CNNM3: variants seen among roughly 807,000 people sequenced by gnomAD.
CNNM3 encodes the protein metal transporter CNNM3.
CNNM3 carries 47 observed loss-of-function variants against 57.1 expected under a neutral mutation model. That is an observed-to-expected ratio of 0.82 (90% CI 0.65 to 1.05). CNNM3 has a LOEUF of 1.05. Ranked by LOEUF, CNNM3 falls within the 50% of genes least tolerant of loss-of-function variation. CNNM3 has a pLI of 0.00. For synonymous variants in CNNM3, 507 were observed against 478.2 expected (o/e 1.06, Z -0.79); for missense variants, 957 against 973.7 (o/e 0.98, Z 0.23).
chr2:96,831,718 C>T (rs2079605133), intron 7 of CNNM3, among the ~76,000 whole-genome samples: 2 of 152,178 alleles, frequency 1.3e-5, no homozygotes, highest in Non-Finnish European at 1.5e-5. Context: ...GTCAGTTCTT[C>T]ATGGAACTGT....
rs1245796542 is a variant in CNNM3, at chr2:96,835,044, G to A, written c.*2428G>A. On this transcript the variant is annotated 3_prime_UTR_variant, in exon 8 of 8. Transcript: ENST00000305510. ...AATCATTTGTCACATGTACATCTGT[G>A]TAACTACCACTGCAATCAGGATAAA... Among the ~76,000 whole-genome samples the A allele has an allele frequency of 2.0e-5, 3 of 152,130 alleles. No homozygotes were observed. The highest frequency in any genetic ancestry group is 1.5e-5 in the Non-Finnish European group (1 of 68,030).
chr2:96,827,594 G>A, intron 3 of CNNM3, 137 bp from the exon 4 acceptor site: 1 of 768,282 alleles, frequency 1.3e-6, no homozygotes, highest in Non-Finnish European at 2.1e-6. Context: ...GTGTTGAGGT[G>A]TTAGGGGCAG....
In CNNM3 at chr2:96,832,920, C is replaced by CGGGGCAGGGACAGT; in HGVS notation, c.*306_*319dup. The stretch of plus-strand genomic sequence containing the variant: ...AGGGCCCAGCCTTCCCCTTCTCCCC[C>CGGGGCAGGGACAGT]GGGGCAGGGACAGTGCGGCATATTC... On this transcript the variant is annotated 3_prime_UTR_variant, in exon 8 of 8. Transcript: ENST00000305510. 1 of 1,433,028 alleles carries CGGGGCAGGGACAGT rather than the reference C, an allele frequency of 7.0e-7. No individual in the cohort carries two copies. The highest frequency in any genetic ancestry group is 3.2e-5 in the East Asian group (1 of 31,582). 88.8% of individuals were successfully genotyped at this position (1,433,028 alleles called of 1,614,324 possible). A position where few individuals can be genotyped will look rare whatever the true frequency, so the allele number is the denominator to read the frequency against.
At chr2:96,824,953 G>A in intron 1 of CNNM3, 105 bp from the exon 2 acceptor site, 1 of 1,294,392 alleles carries the variant, frequency 7.7e-7, no homozygotes, top group Non-Finnish European at 1.1e-6. Flanking sequence ...CACGTTGTAG[G>A]AGCATGAACG....
rs771750345 is a variant in CNNM3 at position 96,816,939 on chromosome 2, C to T, written c.662C>T (p.Ala221Val). Reference protein sequence around the residue: ...VLLYRAAGQRAVPAVLGSAGL... With the variant: ...VLLYRAAGQRVVPAVLGSAGL... ...CTGTACCGCGCGGCCGGCCAGCGTG[C>T]GGTGCCCGCCGTGTTGGGCAGCGCG... is the stretch of plus-strand genomic sequence containing the variant. Residue 221 changes from alanine (A) to valine (V), a missense_variant, in exon 1 of 8, where the codon GCG (alanine) becomes GTG (valine). Ala to Val is a moderately conservative substitution (Grantham distance 64, BLOSUM62 0). Around this residue, in one of 2 missense-constraint regions of CNNM3, gnomAD observed 466 missense variants for 403.1 expected, o/e 1.16. Transcript: ENST00000305510. 2.4e-6 allele frequency: 3 copies of T among 1,232,606 alleles called. No individual in the cohort carries two copies. Among genetic ancestry groups the T allele is most frequent in the Non-Finnish European group, 3.0e-6 (3 of 985,706 alleles). 76.4% of individuals were successfully genotyped at this position (1,232,606 alleles called of 1,614,324 possible).
chr2:96,817,283 G>A lies in CNNM3; in HGVS notation c.1006G>A (p.Gly336Ser). Reference protein sequence around the residue: ...MLDASTVLDFGVLASIMQSGH... With the variant: ...MLDASTVLDFSVLASIMQSGH... ...GGACGCCAGCACCGTGCTGGACTTCGGCGTCCTGGCCAGCATCATGCAGAG... is the reference window on the plus strand; with the variant it reads ...GGACGCCAGCACCGTGCTGGACTTCAGCGTCCTGGCCAGCATCATGCAGAG... The change falls in exon 1 of 8, where the codon GGC (glycine) becomes AGC (serine). Residue 336 changes from glycine (G) to serine (S), a missense_variant. This residue lies in a region of CNNM3 where 491 missense variants were observed against 570.6 expected (regional missense o/e 0.86). Transcript: ENST00000305510. 1.9e-6 allele frequency: 3 copies of A among 1,613,192 alleles called. No homozygotes were observed. In the South Asian group the frequency reaches 3.3e-5, roughly 18 times the overall value.
intron 3 of CNNM3, among the ~76,000 whole-genome samples, chr2:96,827,398 G>T (rs1245829230): frequency 2.0e-5 from 3 of 152,074 alleles, no homozygotes; most frequent in African/African-American, 7.2e-5. Flanking sequence ...CTCCCAAGTA[G>T]CTGGGATTAC....
At chr2:96,819,070 T>G (rs1181873887) in intron 1 of CNNM3, among the ~76,000 whole-genome samples, 1 of 152,190 alleles carries the variant, frequency 6.6e-6, no homozygotes, top group Non-Finnish European at 1.5e-5. Context: ...CTGTTACTGC[T>G]GTAGCTCAGG....
chr2:96,828,970 G>A (rs1216996528), intron 6 of CNNM3, 26 bp from the exon 7 acceptor site: 3 of 1,610,028 alleles, frequency 1.9e-6, no homozygotes, highest in African/African-American at 1.3e-5. Flanking sequence ...CACCAATTGG[G>A]TCCCAGTAAC....
chr2:96,835,503 CTT>C (rs2079677835), downstream of CNNM3, among the ~76,000 whole-genome samples: 1 of 147,218 alleles, frequency 6.8e-6, no homozygotes, highest in African/African-American at 2.6e-5. Flanking sequence ...GAGTCTCACT[CTT>C]TTGCCCAGGC....
Position 96,835,044 on chromosome 2 carries a change from G to T in CNNM3, c.*2428G>T, listed in dbSNP as rs1245796542. Among the ~76,000 whole-genome samples, 1 of 152,130 alleles carries T rather than the reference G, an allele frequency of 6.6e-6. No homozygotes were observed. ...AATCATTTGTCACATGTACATCTGTGTAACTACCACTGCAATCAGGATAAA... is the reference window on the plus strand; with the variant it reads ...AATCATTTGTCACATGTACATCTGTTTAACTACCACTGCAATCAGGATAAA... On this transcript the variant is annotated 3_prime_UTR_variant, in exon 8 of 8. Transcript: ENST00000305510.
intron 3 of CNNM3, 41 bp downstream of exon 3, chr2:96,827,023 C>T (rs373984047): frequency 1.6e-5 from 26 of 1,600,858 alleles, no homozygotes; most frequent in African/African-American, 1.5e-4. Context: ...CTCTCCTCAC[C>T]GTTCTGTGGG....
chr2:96,835,608 C>T (rs1559018756), downstream of CNNM3, among the ~76,000 whole-genome samples: 1 of 152,008 alleles, frequency 6.6e-6, no homozygotes, highest in Non-Finnish European at 1.5e-5. Context: ...GCTGGGACTA[C>T]AGGCGCCCGC....
At chr2:96,827,679 C>T in intron 3 of CNNM3, 52 bp from the exon 4 acceptor site, 2 of 1,566,524 alleles carry the variant, frequency 1.3e-6, no homozygotes, top group South Asian at 1.2e-5. Context: ...GGTGTGGTTC[C>T]ACTGGCCACT....
rs1464266662 is a variant in CNNM3, at chr2:96,816,301, G to T, written c.24G>T (p.Ala8=). MAAAVAA[A]GRLGWLFAAL... Reference sequence around the variant, plus strand: ...CGATGGCGGCGGCGGTAGCTGCGGCGGGTCGGTTAGGCTGGTTGTTCGCCG... The same window carrying T: ...CGATGGCGGCGGCGGTAGCTGCGGCTGGTCGGTTAGGCTGGTTGTTCGCCG... The change falls in exon 1 of 8, where the codon GCG becomes GCT. Residue 8 remains alanine (A), a synonymous_variant. Transcript: ENST00000305510. The T allele has an allele frequency of 3.1e-6, 4 of 1,288,486 alleles. No homozygotes were observed. Among genetic ancestry groups the T allele is most frequent in the African/African-American group, 1.5e-5 (1 of 65,090 alleles). The allele number at this position is 1,288,486 out of a possible 1,614,324, so 79.8% of individuals were successfully genotyped here.
At chr2:96,825,235 T>TG in intron 2 of CNNM3, 34 bp downstream of exon 2, 1 of 1,611,710 alleles carries the variant, frequency 6.2e-7, no homozygotes, top group Non-Finnish European at 8.5e-7. Flanking sequence ...CTGTCTCCGC[T>TG]GGGCCTGCAC....
chr2:96,817,769 A>G (rs1456898065), intron 1 of CNNM3, among the ~76,000 whole-genome samples: 1 of 148,790 alleles, frequency 6.7e-6, no homozygotes, highest in African/African-American at 2.5e-5. Flanking sequence ...CCCCATTTGC[A>G]GGGAGGGGTA....
chr2:96,817,191 G>C lies in CNNM3; in HGVS notation c.914G>C (p.Ser305Thr), dbSNP rs12995235. 6.3e-7 allele frequency: 1 copy of C among 1,581,226 alleles called. No individual in the cohort carries two copies. Among genetic ancestry groups the C allele is most frequent in the South Asian group, 1.1e-5 (1 of 87,664 alleles). Reference sequence around the variant, plus strand: ...GGCGGCGACCCCTACAGCGATCTCAGCAAGGGCGTGCTGCGCTGCCGGACC... The same window carrying C: ...GGCGGCGACCCCTACAGCGATCTCACCAAGGGCGTGCTGCGCTGCCGGACC... ...RGGGDPYSDL[S>T]KGVLRCRTVE... Residue 305 changes from serine to threonine, a missense_variant, in exon 1 of 8, where the codon AGC becomes ACC. This residue lies in a region of CNNM3 where 491 missense variants were observed against 570.6 expected (regional missense o/e 0.86). Coordinates refer to ENST00000305510, the MANE Select transcript of CNNM3 (RefSeq NM_017623.5).
intron 1 of CNNM3, among the ~76,000 whole-genome samples, chr2:96,823,872 G>A (rs766698334): frequency 5.9e-5 from 9 of 152,224 alleles, no homozygotes; most frequent in Non-Finnish European, 8.8e-5. Flanking sequence ...ACCTGGGGCT[G>A]TGCTACCTAA....
Sources: allele counts gnomAD v4.1 joint callset (sites outside exome capture counted in the v4.1 genomes callset), GRCh38; gene constraint gnomAD v4.1.1; regional missense constraint gnomAD v4.1.1; transcripts MANE v1.5; gene names NCBI Gene and HGNC (gene_info 2026-07-23, HGNC 2026-07-21).